MGAM: variants seen among roughly 807,000 people sequenced by gnomAD.
MGAM encodes the protein maltase-glucoamylase.
A neutral mutation model predicts 358.8 loss-of-function variants in MGAM; 253 were observed. The ratio of observed to expected loss-of-function variants is 0.71; its 90% CI spans 0.64 to 0.78. The LOEUF (loss-of-function observed/expected upper bound fraction) is 0.78, where lower values mean the gene tolerates loss of function less well. MGAM is among the 30% of genes least tolerant of loss of function. The pLI is 0.00. For missense variants in MGAM, 3,080 were observed against 3,432.6 expected, an observed-to-expected ratio of 0.90 and a Z score of 2.57; for synonymous variants, 1,105 against 1,227.1, an observed-to-expected ratio of 0.90 and a Z score of 2.08.
At chr7:142,051,994 C>A (rs188905281) in intron 24 of MGAM, among the ~76,000 whole-genome samples, 1 of 152,080 alleles carries the variant, frequency 6.6e-6, no homozygotes, top group Non-Finnish European at 1.5e-5. Context: ...CATCTCACAG[C>A]GAGCTAAGAG....
At chr7:142,075,279 C>A (rs1215850678) in intron 45 of MGAM, among the ~76,000 whole-genome samples, 1 of 146,116 alleles carries the variant, frequency 6.8e-6, no homozygotes, top group African/African-American at 2.4e-5. Flanking sequence ...CATATCTTGG[C>A]TACTGTGAAG....
rs1810085126 is a variant in MGAM, at chr7:142,045,409, A to G, written c.2499-2376A>G. 2.7e-5 allele frequency among the ~76,000 whole-genome samples: 3 copies of G among 109,708 alleles called. No individual in the cohort carries two copies. In the Admixed American group the frequency reaches 3.7e-4, roughly 14 times the overall value. 72.0% of individuals were successfully genotyped at this position (109,708 alleles called of 152,430 possible). On this transcript the variant is annotated intron_variant, in intron 21 of 70. Coordinates refer to ENST00000475668, the MANE Select transcript of MGAM (RefSeq NM_001365693.1). ...CTATAATACATGATATATTATATAT[A>G]TTATATATACCTATAATACATGATA...
chr7:142,063,978 C>T (rs865908811), intron 36 of MGAM, among the ~76,000 whole-genome samples: 4 of 152,156 alleles, frequency 2.6e-5, no homozygotes, highest in South Asian at 4.1e-4. Flanking sequence ...CATATCTTGG[C>T]TCCAGAAATT....
In MGAM at chr7:142,059,845, T is replaced by A. The variant is rs1286416746; in HGVS notation, c.3949-11T>A. The A allele has an allele frequency of 1.2e-6, 2 of 1,603,768 alleles. No homozygotes were observed. Among genetic ancestry groups the A allele is most frequent in the Non-Finnish European group, 1.7e-6 (2 of 1,174,696 alleles). On this transcript the variant is annotated splice_polypyrimidine_tract_variant and intron_variant, in intron 32 of 70. Coordinates refer to ENST00000475668, the MANE Select transcript of MGAM (RefSeq NM_001365693.1). ...TTTGGTTTTCCCAACTGACTTATGC[T>A]TTGATTTCAGGATCCAGCCATTTCT...
At chr7:142,043,194 AAT>A (rs1486233490) in intron 21 of MGAM, among the ~76,000 whole-genome samples, 4 of 12,186 alleles carry the variant, frequency 3.3e-4, no homozygotes, top group Non-Finnish European at 4.6e-4. Flanking sequence ...ATCTAAATAT[AAT>A]ATATATATTA....
intron 66 of MGAM, 123 bp from the exon 67 acceptor site, chr7:142,099,490 A>G (rs1816255357): frequency 6.9e-7 from 1 of 1,445,012 alleles, no homozygotes; most frequent in Non-Finnish European, 9.6e-7. Context: ...AATGGCAGGT[A>G]TGTTGCAAAG....
chr7:141,986,845 G>C (rs1206312931), intron 2 of MGAM, among the ~76,000 whole-genome samples: 1 of 151,984 alleles, frequency 6.6e-6, no homozygotes, highest in Non-Finnish European at 1.5e-5. Context: ...TACCTCCTAG[G>C]GTATGTGTAC....
At chr7:142,051,221 T>C (rs991176991) in intron 24 of MGAM, among the ~76,000 whole-genome samples, 21 of 152,046 alleles carry the variant, frequency 1.4e-4, no homozygotes, top group African/African-American at 4.8e-4. Context: ...TAAGAATTGG[T>C]ATTTGAAAAA....
At chr7:142,039,340 G>T (rs549368025) in intron 19 of MGAM, among the ~76,000 whole-genome samples, 2 of 151,936 alleles carry the variant, frequency 1.3e-5, no homozygotes, top group Non-Finnish European at 2.9e-5. Context: ...GACCTCAGAT[G>T]ATCCACCTGC....
In MGAM at chr7:142,080,584, G is replaced by A. The variant is rs150767191; in HGVS notation, c.5848-207G>A. On this transcript the variant is annotated intron_variant, in intron 49 of 70. Coordinates refer to ENST00000475668, the MANE Select transcript of MGAM (RefSeq NM_001365693.1). Reference sequence around the variant, plus strand: ...ATGTCACAATGCTTATATTGATGCAGTAGAGGCCTTAGTAATGAGAAATGA... The same window carrying A: ...ATGTCACAATGCTTATATTGATGCAATAGAGGCCTTAGTAATGAGAAATGA... Among the ~76,000 whole-genome samples the A allele has an allele frequency of 2.7e-3, 396 of 146,206 alleles. 18 individuals are homozygous for A. Among genetic ancestry groups the A allele is most frequent in the African/African-American group, 9.2e-3 (378 of 41,180 alleles).
At chr7:142,048,093 A>T (rs1810559335) in intron 22 of MGAM, among the ~76,000 whole-genome samples, 1 of 151,932 alleles carries the variant, frequency 6.6e-6, no homozygotes, top group African/African-American at 2.4e-5. Context: ...CTCCTATTGG[A>T]CAGTGATATC....
At chr7:142,100,946 A>G (rs1816389599) in intron 68 of MGAM, 56 bp downstream of exon 68, 5 of 1,476,120 alleles carry the variant, frequency 3.4e-6, no homozygotes, top group Non-Finnish European at 4.7e-6. Flanking sequence ...TTCCTGGATT[A>G]TCTTACAGGC....
intron 50 of MGAM, among the ~76,000 whole-genome samples, chr7:142,081,557 G>A (rs1814289488): frequency 6.9e-6 from 1 of 145,960 alleles, no homozygotes; most frequent in East Asian, 2.0e-4. Context: ...AATGGAGGAA[G>A]TAAGCAGGTG....
intron 43 of MGAM, 135 bp from the exon 44 acceptor site, chr7:142,070,859 G>A (rs1813283818): frequency 8.3e-7 from 1 of 1,202,046 alleles, no homozygotes; most frequent in Admixed American, 2.1e-5. Flanking sequence ...TGCAGAATGG[G>A]TAATAGCAGG....
At chr7:142,028,227 C>G (rs932095154) in intron 10 of MGAM, among the ~76,000 whole-genome samples, 1 of 152,122 alleles carries the variant, frequency 6.6e-6, no homozygotes, top group Non-Finnish European at 1.5e-5. Context: ...TCAGAAATTC[C>G]TCTAAGATTC....
chr7:142,001,736 C>T (rs1804754564), intron 1 of MGAM, among the ~76,000 whole-genome samples: 2 of 152,176 alleles, frequency 1.3e-5, no homozygotes, highest in South Asian at 2.1e-4. Context: ...CAGCATTGTT[C>T]ATCAGCTGCT....
At chr7:142,009,751 G>A (rs142546983) in intron 3 of MGAM, among the ~76,000 whole-genome samples, 43 of 152,220 alleles carry the variant, frequency 2.8e-4, no homozygotes, top group African/African-American at 1.0e-3. Context: ...AGAAATACTG[G>A]CACTTTCAAT....
chr7:142,103,328 A>G lies in MGAM; in HGVS notation c.8073A>G (p.Lys2691=). The G allele has an allele frequency of 6.2e-7, 1 of 1,613,062 alleles. No homozygotes were observed. Among genetic ancestry groups the G allele is most frequent in the Non-Finnish European group, 8.5e-7 (1 of 1,179,452 alleles). Residue 2691 remains lysine (K), a synonymous_variant, in exon 70 of 71, where the codon AAA becomes AAG. Transcript: ENST00000475668. The part of the protein sequence containing the change: ...NNYITGTNPL[K]LGYIEIWGVG... ...ACATCACTGGTACAAATCCTTTGAAACTGGGCTACATTGAAATCTGGGGAG... is the reference window on the plus strand; with the variant it reads ...ACATCACTGGTACAAATCCTTTGAAGCTGGGCTACATTGAAATCTGGGGAG...
rs755558094 is a variant in MGAM, at chr7:142,093,266, C to T, written c.7034-146C>T. The T allele has an allele frequency of 2.0e-5, 22 of 1,086,894 alleles. 1 individual carries two copies. Among genetic ancestry groups the T allele is most frequent in the Admixed American group, 1.3e-4 (6 of 46,026 alleles). 67.3% of individuals were successfully genotyped at this position (1,086,894 alleles called of 1,614,324 possible). On this transcript the variant is annotated intron_variant, in intron 59 of 70. Coordinates refer to ENST00000475668, the MANE Select transcript of MGAM (RefSeq NM_001365693.1). ...CGCCGTTGCAGCTCAGAGCTGGGGG[C>T]GCTGTGCTCATGTCTCTGGGAAGAC...
Sources: allele counts gnomAD v4.1 joint callset (sites outside exome capture counted in the v4.1 genomes callset), GRCh38; gene constraint gnomAD v4.1.1; transcripts MANE v1.5; gene names NCBI Gene and HGNC (gene_info 2026-07-23, HGNC 2026-07-21).